The following CENPL variants were observed in gnomAD, a reference collection of about 807,000 sequenced individuals.
The protein encoded by CENPL is centromere protein L.
CENPL carries 20 observed loss-of-function variants against 35.2 expected under a neutral mutation model. The ratio of observed to expected loss-of-function variants is 0.57; its 90% CI spans 0.40 to 0.83. The LOEUF (loss-of-function observed/expected upper bound fraction) is 0.83, where lower values mean the gene tolerates loss of function less well. Among genes scored for constraint, CENPL ranks in the 40% least tolerant of loss-of-function variants. CENPL has a pLI of 0.00. For synonymous variants in CENPL, 140 were observed against 140.6 expected, an observed-to-expected ratio of 1.00 and a Z score of 0.03; for missense variants, 363 against 395.8, an observed-to-expected ratio of 0.92 and a Z score of 0.70.
rs201830798 is a variant in CENPL at position 173,811,211 on chromosome 1, C to T, written c.89G>A (p.Arg30Gln). The change falls in exon 3 of 6, where the codon CGA (arginine) becomes CAA (glutamine). Residue 30 changes from arginine (R) to glutamine (Q), a missense_variant. Arg to Gln is a conservative substitution (Grantham distance 43). Transcript: ENST00000682279. ...YFIGATPLQK[R>Q]LESVRKQSSF... is the part of the protein sequence containing the mutation. Reference sequence around the variant, plus strand: ...ACTCTGCTTCCTGACCGATTCTAATCGTTTCTGCAGAGGAGTGGCACCTAT... The same window carrying T: ...ACTCTGCTTCCTGACCGATTCTAATTGTTTCTGCAGAGGAGTGGCACCTAT... The T allele has an allele frequency of 4.3e-6, 7 of 1,614,018 alleles. No individual in the cohort carries two copies. The highest frequency in any genetic ancestry group is 5.1e-6 in the Non-Finnish European group (6 of 1,179,900).
intron 3 of CENPL, among the ~76,000 whole-genome samples, chr1:173,809,647 A>G (rs1393437545): frequency 1.3e-5 from 2 of 152,086 alleles, no homozygotes; most frequent in Non-Finnish European, 2.9e-5. Context: ...TTAAAAAGTC[A>G]GCAAAGGACA....
At chr1:173,813,418 C>T (rs1651035921) in intron 2 of CENPL, among the ~76,000 whole-genome samples, 1 of 152,072 alleles carries the variant, frequency 6.6e-6, no homozygotes, top group Non-Finnish European at 1.5e-5. Flanking sequence ...TTAAGGGCAG[C>T]CAGAGAGAAA....
In CENPL at chr1:173,815,106, G is replaced by A. The variant is rs190454155; in HGVS notation, c.-7-3800C>T. 4.6e-5 allele frequency among the ~76,000 whole-genome samples: 7 copies of A among 152,216 alleles called. No individual in the cohort carries two copies. In the East Asian group the frequency reaches 1.3e-3, roughly 29 times the overall value. On this transcript the variant is annotated intron_variant, in intron 2 of 5. Coordinates refer to ENST00000682279, the MANE Select transcript of CENPL (RefSeq NM_001387287.1). ...TCTAGAAGAAATGGATAAATTCCTG[G>A]ACACATACACCCTCCCAAGACTAAA...
intron 5 of CENPL, among the ~76,000 whole-genome samples, chr1:173,801,004 G>A (rs552878328): frequency 1.3e-5 from 2 of 151,962 alleles, no homozygotes; most frequent in Admixed American, 1.3e-4. Context: ...TTCCCTTTTT[G>A]TTTTTTAATG....
At chr1:173,809,450 G>A (rs1650586142) in intron 3 of CENPL, among the ~76,000 whole-genome samples, 10 of 151,952 alleles carry the variant, frequency 6.6e-5, no homozygotes. Context: ...AAATTAGCCA[G>A]GCATGGTGGT....
intron 5 of CENPL, among the ~76,000 whole-genome samples, chr1:173,800,795 T>C (rs1364461981): frequency 6.6e-6 from 1 of 151,552 alleles, no homozygotes; most frequent in Non-Finnish European, 1.5e-5. Context: ...AAAAAAATTT[T>C]AAAATGTAAA....
chr1:173,801,985 T>C (rs1649792145), intron 5 of CENPL, among the ~76,000 whole-genome samples: 1 of 151,160 alleles, frequency 6.6e-6, no homozygotes. Flanking sequence ...ATAGCACCAC[T>C]GCACTCCAGC....
intron 4 of CENPL, among the ~76,000 whole-genome samples, chr1:173,805,220 T>C (rs1650104830): frequency 6.6e-6 from 1 of 152,124 alleles, no homozygotes; most frequent in African/African-American, 2.4e-5. Context: ...CCTCCCACAA[T>C]AAAACAGTCC....
intron 5 of CENPL, among the ~76,000 whole-genome samples, chr1:173,802,438 C>A (rs1373372061): frequency 6.6e-6 from 1 of 152,118 alleles, no homozygotes; most frequent in East Asian, 1.9e-4. Flanking sequence ...AATCTCCTGA[C>A]CTCATGATCC....
At chr1:173,816,620 T>G (rs1281523452) in intron 2 of CENPL, among the ~76,000 whole-genome samples, 1 of 152,210 alleles carries the variant, frequency 6.6e-6, no homozygotes, top group Admixed American at 6.5e-5. Context: ...CTGGGAAAAC[T>G]GGCTAGCCTT....
chr1:173,822,288 A>G (rs1557850364), intron 2 of CENPL: 1 of 152,080 alleles, frequency 6.6e-6, no homozygotes, highest in Non-Finnish European at 1.5e-5. Flanking sequence ...TTACTCCTCT[A>G]AACTTTCTGG....
chr1:173,820,333 T>C (rs1012551899), intron 2 of CENPL, among the ~76,000 whole-genome samples: 4 of 151,752 alleles, frequency 2.6e-5, no homozygotes, highest in African/African-American at 9.7e-5. Flanking sequence ...AGTCCTAGCA[T>C]GGACAACACA....
At chr1:173,816,469 C>A (rs956450265) in intron 2 of CENPL, among the ~76,000 whole-genome samples, 1 of 152,182 alleles carries the variant, frequency 6.6e-6, no homozygotes, top group African/African-American at 2.4e-5. Context: ...CAGCATGGTA[C>A]TGGTACCAAA....
intron 4 of CENPL, chr1:173,806,682 T>G (rs879451491): frequency 1.1e-5 from 2 of 175,106 alleles, no homozygotes; most frequent in Non-Finnish European, 2.5e-5. Context: ...CCAGATTTAT[T>G]TATTTATTTA....
intron 2 of CENPL, among the ~76,000 whole-genome samples, chr1:173,813,627 A>G (rs919419023): frequency 1.3e-5 from 2 of 152,250 alleles, no homozygotes; most frequent in African/African-American, 4.8e-5. Flanking sequence ...GCAAATGCTA[A>G]GAGATTTTGT....
chr1:173,808,318 G>A (rs1352358499), intron 3 of CENPL, among the ~76,000 whole-genome samples: 1 of 151,890 alleles, frequency 6.6e-6, no homozygotes, highest in East Asian at 1.9e-4. Context: ...GCTGAGGCAG[G>A]AAAATTGCTT....
chr1:173,813,218 C>CG (rs2102593483), intron 2 of CENPL, among the ~76,000 whole-genome samples: 1 of 152,218 alleles, frequency 6.6e-6, no homozygotes, highest in Admixed American at 6.5e-5. Context: ...CTGAAAGTGA[C>CG]GGGGAGAATG....
At position 173,803,502 on chromosome 1, in the gene CENPL, C is replaced by A; in HGVS notation, c.424G>T (p.Val142Leu). 2 of 1,559,118 alleles carry A rather than the reference C, an allele frequency of 1.3e-6. No homozygotes were observed. The highest frequency in any genetic ancestry group is 3.4e-4 in the Middle Eastern group (2 of 5,816). Residue 142 changes from valine to leucine, a missense_variant, in exon 5 of 6, where the codon GTG (valine) becomes TTG (leucine). Transcript: ENST00000682279. ...RDPEAFLVQI[V>L]SKSQLPSENR... ...TCAGATGGCAATTGAGATTTTGACA[C>A]AATCTACAAAGAAAGTAAACAGGCT...
chr1:173,812,506 C>T lies in CENPL; in HGVS notation c.-7-1200G>A, dbSNP rs559174676. On this transcript the variant is annotated intron_variant, in intron 2 of 5. Coordinates refer to ENST00000682279, the MANE Select transcript of CENPL (RefSeq NM_001387287.1). Reference sequence around the variant, plus strand: ...GGCAGCAATGTTTGCTGTTCTGCAGCCTCTGCTGGTGATACCCAGGCAAAC... The same window carrying T: ...GGCAGCAATGTTTGCTGTTCTGCAGTCTCTGCTGGTGATACCCAGGCAAAC... 3.8e-3 allele frequency among the ~76,000 whole-genome samples: 585 copies of T among 152,344 alleles called. 4 individuals carry two copies. Among genetic ancestry groups the T allele is most frequent in the African/African-American group, 0.012 (503 of 41,590 alleles).
Sources: allele counts gnomAD v4.1 joint callset (sites outside exome capture counted in the v4.1 genomes callset), GRCh38; gene constraint gnomAD v4.1.1; transcripts MANE v1.5; gene names NCBI Gene and HGNC (gene_info 2026-07-23, HGNC 2026-07-21).